KIAA1217: variants seen among roughly 807,000 people sequenced by gnomAD.
KIAA1217 encodes KIAA1217.
Under a neutral mutation model 163.9 loss-of-function variants are expected in KIAA1217, and 88 were observed. The ratio of observed to expected loss-of-function variants is 0.54; its 90% CI spans 0.45 to 0.64. KIAA1217 has a LOEUF of 0.64. Ranked by LOEUF, KIAA1217 falls within the 30% of genes least tolerant of loss-of-function variation. KIAA1217 has a pLI of 0.00. For missense variants in KIAA1217, 2,372 were observed against 2,475.0 expected, an observed-to-expected ratio of 0.96 and a Z score of 0.88; for synonymous variants, 903 against 923.1, an observed-to-expected ratio of 0.98 and a Z score of 0.39.
At chr10:24,284,670 G>A (rs1418377686) in intron 2 of KIAA1217, among the ~76,000 whole-genome samples, 1 of 152,088 alleles carries the variant, frequency 6.6e-6, no homozygotes, top group Non-Finnish European at 1.5e-5. Flanking sequence ...GCTGAGTTCT[G>A]TGTCTTTGTC....
intron 1 of KIAA1217, among the ~76,000 whole-genome samples, chr10:23,918,344 A>G (rs1288502726): frequency 6.6e-6 from 1 of 152,128 alleles, no homozygotes; most frequent in African/African-American, 2.4e-5. Flanking sequence ...CAAGAGGCTA[A>G]TGAGAAATTG....
chr10:24,477,833 C>T (rs1351246007), intron 6 of KIAA1217, among the ~76,000 whole-genome samples: 2 of 152,074 alleles, frequency 1.3e-5, no homozygotes, highest in South Asian at 2.1e-4. Flanking sequence ...TACCGAAGCA[C>T]AAAATTATAA....
intron 5 of KIAA1217, among the ~76,000 whole-genome samples, chr10:24,456,990 C>A (rs1592098122): frequency 6.6e-6 from 1 of 151,986 alleles, no homozygotes; most frequent in East Asian, 1.9e-4. Context: ...GTGTGAGCCA[C>A]TGTGCCCGGC....
chr10:24,048,148 T>C (rs1849179280), intron 2 of KIAA1217, among the ~76,000 whole-genome samples: 1 of 152,182 alleles, frequency 6.6e-6, no homozygotes, highest in Non-Finnish European at 1.5e-5. Flanking sequence ...CAACTTATGC[T>C]CACAGTTATT....
chr10:24,151,890 T>A (rs982029299), intron 2 of KIAA1217, among the ~76,000 whole-genome samples: 2 of 152,178 alleles, frequency 1.3e-5, no homozygotes, highest in South Asian at 2.1e-4. Flanking sequence ...GGCAAAGCTA[T>A]GATATGAATC....
At chr10:24,151,800 C>T (rs991597494) in intron 2 of KIAA1217, among the ~76,000 whole-genome samples, 1 of 151,876 alleles carries the variant, frequency 6.6e-6, no homozygotes, top group Non-Finnish European at 1.5e-5. Context: ...AGGATTTAAC[C>T]AATCCTCTCA....
rs139539821 is a variant in KIAA1217 at position 24,202,308 on chromosome 10, A to C, written c.-170-17318A>C. Among the ~76,000 whole-genome samples the C allele has an allele frequency of 3.6e-3, 545 of 152,250 alleles. 4 individuals are homozygous for C. The highest frequency in any genetic ancestry group is 0.013 in the African/African-American group (535 of 41,560). On this transcript the variant is annotated intron_variant, in intron 2 of 18. Coordinates refer to the KIAA1217 transcript ENST00000376462. Reference sequence around the variant, plus strand: ...GTGATCAAAGTGATCAGGGCAATTCACTTGTTTCGCTGGCCCTGGGAGGGA... The same window carrying C: ...GTGATCAAAGTGATCAGGGCAATTCCCTTGTTTCGCTGGCCCTGGGAGGGA...
intron 1 of KIAA1217, among the ~76,000 whole-genome samples, chr10:23,795,015 G>A (rs776982977): frequency 1.3e-5 from 2 of 152,180 alleles, no homozygotes; most frequent in Non-Finnish European, 2.9e-5. Flanking sequence ...TTCCTCACGG[G>A]ACCCTCAGCC....
intron 2 of KIAA1217, among the ~76,000 whole-genome samples, chr10:24,049,584 T>C (rs992376086): frequency 1.3e-5 from 2 of 152,164 alleles, no homozygotes; most frequent in African/African-American, 4.8e-5. Context: ...TGTGATAGTT[T>C]GCTGAGAATG....
intron 1 of KIAA1217, among the ~76,000 whole-genome samples, chr10:23,879,202 A>G (rs1445428683): frequency 6.6e-6 from 1 of 151,836 alleles, no homozygotes; most frequent in Non-Finnish European, 1.5e-5. Context: ...TTCTTCTGTA[A>G]TTGGTCTGTG....
chr10:24,155,610 C>A (rs375289107), intron 2 of KIAA1217, among the ~76,000 whole-genome samples: 2 of 152,086 alleles, frequency 1.3e-5, no homozygotes, highest in East Asian at 1.9e-4. Flanking sequence ...CACCTGAGGT[C>A]AGGAGTTCAA....
intron 2 of KIAA1217, among the ~76,000 whole-genome samples, chr10:24,250,955 T>C (rs1465631593): frequency 6.6e-6 from 1 of 151,474 alleles, no homozygotes; most frequent in African/African-American, 2.4e-5. Flanking sequence ...GGCCAGGTGC[T>C]ATGGCTCACA....
chr10:24,111,823 A>G (rs910038197), intron 2 of KIAA1217, among the ~76,000 whole-genome samples: 4 of 152,164 alleles, frequency 2.6e-5, no homozygotes, highest in Non-Finnish European at 4.4e-5. Flanking sequence ...GCTGGAATGC[A>G]GTGGTGTGAA....
At chr10:23,709,416 G>A (rs1175257400) in intron 1 of KIAA1217, among the ~76,000 whole-genome samples, 3 of 151,806 alleles carry the variant, frequency 2.0e-5, no homozygotes, top group African/African-American at 7.3e-5. Flanking sequence ...GTGGTCCCAG[G>A]TACTCAGGAG....
At chr10:23,810,733 T>C (rs1235063710) in intron 1 of KIAA1217, among the ~76,000 whole-genome samples, 1 of 126,404 alleles carries the variant, frequency 7.9e-6, no homozygotes, top group African/African-American at 3.1e-5. Flanking sequence ...CAGTATACTA[T>C]ATTATATATA....
At chr10:24,084,107 C>T (rs2061619749) in intron 2 of KIAA1217, among the ~76,000 whole-genome samples, 1 of 152,202 alleles carries the variant, frequency 6.6e-6, no homozygotes, top group African/African-American at 2.4e-5. Flanking sequence ...GGTCTTTGCT[C>T]AAAACATCAT....
chr10:24,277,561 TG>T (rs1360392061), intron 2 of KIAA1217, among the ~76,000 whole-genome samples: 2 of 152,222 alleles, frequency 1.3e-5, no homozygotes, highest in African/African-American at 2.4e-5. Flanking sequence ...AATTGAATCA[TG>T]GGGGCGGTTT....
At chr10:23,885,838 G>T (rs1380356220) in intron 1 of KIAA1217, among the ~76,000 whole-genome samples, 2 of 151,896 alleles carry the variant, frequency 1.3e-5, no homozygotes, top group Non-Finnish European at 2.9e-5. Flanking sequence ...CTGCATTTTT[G>T]TTTGAAGCTG....
At chr10:24,432,952 T>C in intron 3 of KIAA1217, 43 bp from the exon 4 acceptor site, 1 of 1,538,292 alleles carries the variant, frequency 6.5e-7, no homozygotes, top group African/African-American at 1.4e-5. Flanking sequence ...GTGTGTCCCC[T>C]GAGTCTTGAC....
Sources: allele counts gnomAD v4.1 joint callset (sites outside exome capture counted in the v4.1 genomes callset), GRCh38; gene constraint gnomAD v4.1.1; transcripts MANE v1.5; gene names NCBI Gene and HGNC (gene_info 2026-07-23, HGNC 2026-07-21).